The following CASTOR2 variants were observed in gnomAD, a reference collection of about 807,000 sequenced individuals.
CASTOR2 encodes the protein GATS protein like 2.
In CASTOR2, 8 loss-of-function variants were observed where a neutral mutation model predicts 31.2. That is an observed-to-expected ratio of 0.26 (90% CI 0.15 to 0.46). The LOEUF (loss-of-function observed/expected upper bound fraction) is 0.46, where lower values mean the gene tolerates loss of function less well. Ranked by LOEUF, CASTOR2 falls within the 20% of genes least tolerant of loss-of-function variation. CASTOR2 has a pLI of 0.99. For synonymous variants in CASTOR2, 162 were observed against 158.7 expected (o/e 1.02, Z -0.16); for missense variants, 216 against 382.1 (o/e 0.57, Z 3.62).
At chr7:74,992,662 ACT>A (rs1804239722) in intron 1 of CASTOR2, among the ~76,000 whole-genome samples, 1 of 151,524 alleles carries the variant, frequency 6.6e-6, no homozygotes, top group Non-Finnish European at 1.5e-5. Context: ...CTAGTCTCGA[ACT>A]CCTGACCTCG....
At chr7:74,981,276 TC>T (rs1803940568) in intron 1 of CASTOR2, among the ~76,000 whole-genome samples, 2 of 90,222 alleles carry the variant, frequency 2.2e-5, no homozygotes, top group Admixed American at 2.6e-4. Flanking sequence ...AACCTCCGCC[TC>T]CCGTGTTCAA....
intron 5 of CASTOR2, among the ~76,000 whole-genome samples, chr7:75,019,817 C>T (rs1336305523): frequency 1.3e-5 from 2 of 152,214 alleles, no homozygotes; most frequent in Non-Finnish European, 2.9e-5. Flanking sequence ...GTGTAACCTG[C>T]GTGGGAGGCC....
At chr7:75,019,880 A>G (rs1254080606) in intron 5 of CASTOR2, among the ~76,000 whole-genome samples, 159 bp from the exon 6 acceptor site, 1 of 152,288 alleles carries the variant, frequency 6.6e-6, no homozygotes, top group East Asian at 1.9e-4. Flanking sequence ...GAATGCGGTG[A>G]AATCATCCCC....
chr7:74,992,411 G>C (rs1410131244), intron 1 of CASTOR2, among the ~76,000 whole-genome samples: 3 of 152,130 alleles, frequency 2.0e-5, no homozygotes, highest in Admixed American at 6.5e-5. Context: ...AGACCAGCCT[G>C]AGCAACATCG....
intron 2 of CASTOR2, among the ~76,000 whole-genome samples, chr7:75,017,220 G>C (rs1445337354): frequency 6.6e-6 from 1 of 152,064 alleles, no homozygotes; most frequent in Non-Finnish European, 1.5e-5. Flanking sequence ...AGGCTGATGC[G>C]GGCGGATCAC....
At chr7:74,992,353 A>G (rs1804232479) in intron 1 of CASTOR2, among the ~76,000 whole-genome samples, 2 of 151,972 alleles carry the variant, frequency 1.3e-5, no homozygotes, top group Admixed American at 6.6e-5. Context: ...TGTAATCCTA[A>G]CTCTTCGGGA....
In CASTOR2 at chr7:75,026,500, G is replaced by C. The variant is rs1189692266; in HGVS notation, c.*1801G>C. Among the ~76,000 whole-genome samples the C allele has an allele frequency of 2.0e-5, 3 of 152,108 alleles. No individual in the cohort carries two copies. The highest frequency in any genetic ancestry group is 4.4e-5 in the Non-Finnish European group (3 of 68,014). ...CCACCACACCCAGCCGAGTTGTGCTGTTTCTGTGGTCAGAGGAGAAGGGAT... is the reference window on the plus strand; with the variant it reads ...CCACCACACCCAGCCGAGTTGTGCTCTTTCTGTGGTCAGAGGAGAAGGGAT... On this transcript the variant is annotated 3_prime_UTR_variant, in exon 9 of 9. Coordinates refer to ENST00000616305, the MANE Select transcript of CASTOR2 (RefSeq NM_001145064.3).
At chr7:75,015,827 G>A (rs1804851311) in intron 2 of CASTOR2, among the ~76,000 whole-genome samples, 1 of 152,224 alleles carries the variant, frequency 6.6e-6, no homozygotes, top group Admixed American at 6.5e-5. Context: ...AGCCCTTTGA[G>A]AGGCCAAGGC....
Position 75,019,089 on chromosome 7 carries a change from C to T in CASTOR2, c.629C>T (p.Ser210Phe). The change falls in exon 5 of 9, where the codon TCC (serine) becomes TTC (phenylalanine). Residue 210 changes from serine to phenylalanine, a missense_variant. Ser to Phe is a radical substitution (Grantham distance 155). Coordinates refer to ENST00000616305, the MANE Select transcript of CASTOR2 (RefSeq NM_001145064.3). ...CTCCTCATGGATGTCATGTTCTACT[C>T]CAATGGGTAGGGCTGCCTTGGGCAT... ...ATLLMDVMFY[S>F]NGVKDPMATG... 1 of 1,551,806 alleles carries T rather than the reference C, an allele frequency of 6.4e-7. No homozygotes were observed. Among genetic ancestry groups the T allele is most frequent in the Non-Finnish European group, 8.7e-7 (1 of 1,147,028 alleles).
At chr7:74,996,283 C>T (rs1224704573) in intron 1 of CASTOR2, among the ~76,000 whole-genome samples, 3 of 152,060 alleles carry the variant, frequency 2.0e-5, no homozygotes, top group African/African-American at 4.8e-5. Flanking sequence ...CAGCAGTACA[C>T]GGTAGGGTTG....
At chr7:74,989,757 C>T (rs1804161010) in intron 1 of CASTOR2, among the ~76,000 whole-genome samples, 1 of 151,926 alleles carries the variant, frequency 6.6e-6, no homozygotes, top group East Asian at 1.9e-4. Context: ...ATAAACCAGG[C>T]AGAAAATAGG....
chr7:75,008,581 A>G (rs1201404613), intron 2 of CASTOR2, among the ~76,000 whole-genome samples: 1 of 152,130 alleles, frequency 6.6e-6, no homozygotes. Flanking sequence ...CTGTGGTCCC[A>G]GCTACTTGAG....
chr7:75,020,778 C>T (rs1380568405), intron 6 of CASTOR2, among the ~76,000 whole-genome samples: 6 of 151,878 alleles, frequency 4.0e-5, no homozygotes, highest in African/African-American at 9.7e-5. Flanking sequence ...CATGAGCCAC[C>T]GCAACCAGCC....
chr7:75,006,853 C>A (rs1340432147), intron 1 of CASTOR2, among the ~76,000 whole-genome samples: 1 of 148,672 alleles, frequency 6.7e-6, no homozygotes, highest in Admixed American at 6.8e-5. Context: ...CCCGCCCCCC[C>A]AGCCCCGCCA....
chr7:75,014,103 TG>T (rs1804811624), intron 2 of CASTOR2, among the ~76,000 whole-genome samples: 1 of 152,124 alleles, frequency 6.6e-6, no homozygotes, highest in Non-Finnish European at 1.5e-5. Flanking sequence ...TAGAAGCCTC[TG>T]GGTAATGGGT....
intron 5 of CASTOR2, among the ~76,000 whole-genome samples, 186 bp from the exon 6 acceptor site, chr7:75,019,853 G>T (rs1804951704): frequency 6.6e-6 from 1 of 152,236 alleles, no homozygotes; most frequent in Non-Finnish European, 1.5e-5. Context: ...ACTGCAAAGT[G>T]TAGCACCCGC....
At chr7:75,006,839 C>T (rs1172140300) in intron 1 of CASTOR2, among the ~76,000 whole-genome samples, 25 of 151,540 alleles carry the variant, frequency 1.6e-4, no homozygotes, top group African/African-American at 5.6e-4. Context: ...TGATTGTGAG[C>T]ACCCCCGCCC....
intron 1 of CASTOR2, among the ~76,000 whole-genome samples, chr7:75,007,594 G>A (rs1309074140): frequency 8.5e-5 from 13 of 152,082 alleles, no homozygotes; most frequent in Non-Finnish European, 1.5e-4. Flanking sequence ...GAGGGGAGAT[G>A]GGAACAGACA....
chr7:74,977,879 A>T (rs2528981), intron 1 of CASTOR2, among the ~76,000 whole-genome samples: 1 of 150,646 alleles, frequency 6.6e-6, no homozygotes, highest in African/African-American at 2.4e-5. Context: ...GGGTCTCACT[A>T]TGTTGCCCAG....
Sources: gnomAD v4.1 joint callset for allele counts (sites outside exome capture counted in the v4.1 genomes callset) on GRCh38, gnomAD v4.1.1 for gene constraint, MANE v1.5 for transcripts, NCBI Gene and HGNC (gene_info 2026-07-23, HGNC 2026-07-21) for gene names.